IQSEC1: variants seen among roughly 807,000 people sequenced by gnomAD.
The protein encoded by IQSEC1 is IQ motif and SEC7 domain-containing protein 1.
IQSEC1 carries 31 observed loss-of-function variants against 91.0 expected under a neutral mutation model. The observed-to-expected ratio is 0.34, with a 90% CI of 0.26 to 0.46. The LOEUF is 0.46. Ranked by LOEUF, IQSEC1 falls within the 20% of genes least tolerant of loss-of-function variation. The pLI is 1.00. For missense variants in IQSEC1, 1,388 were observed against 1,575.6 expected (o/e 0.88, Z 2.02); for synonymous variants, 699 against 662.6 (o/e 1.05, Z -0.84).
At chr3:13,216,129 C>T (rs1694542506) in intron 1 of IQSEC1, among the ~76,000 whole-genome samples, 1 of 152,222 alleles carries the variant, frequency 6.6e-6, no homozygotes, top group Admixed American at 6.5e-5. Flanking sequence ...GTCCTTTGGC[C>T]ATTCTAGGAA....
intron 1 of IQSEC1, among the ~76,000 whole-genome samples, chr3:13,032,204 C>A (rs183784564): frequency 3.3e-5 from 5 of 152,324 alleles, no homozygotes; most frequent in Admixed American, 1.3e-4. Context: ...CGTTTTCTGG[C>A]ATAATCACGG....
At chr3:12,943,020 G>A (rs1215167741) in intron 1 of IQSEC1, among the ~76,000 whole-genome samples, 3 of 152,206 alleles carry the variant, frequency 2.0e-5, no homozygotes, top group South Asian at 2.1e-4. Context: ...TGTGTGTCAC[G>A]GCGAATTTGG....
intron 1 of IQSEC1, among the ~76,000 whole-genome samples, chr3:13,172,972 G>A (rs936127545): frequency 6.6e-6 from 1 of 152,186 alleles, no homozygotes; most frequent in African/African-American, 2.4e-5. Context: ...AGATCACCCT[G>A]TGAGAAACCC....
intron 1 of IQSEC1, among the ~76,000 whole-genome samples, chr3:12,961,517 G>A (rs544500902): frequency 2.0e-5 from 3 of 152,270 alleles, no homozygotes; most frequent in African/African-American, 7.2e-5. Flanking sequence ...ACTTCTTACT[G>A]TGTCTGCCAT....
chr3:13,145,808 G>GC (rs967018781), intron 2 of IQSEC1, among the ~76,000 whole-genome samples: 1 of 135,544 alleles, frequency 7.4e-6, no homozygotes, highest in Non-Finnish European at 1.6e-5. Context: ...CGGGGGCGGG[G>GC]GGGGGGGGTC....
At chr3:13,020,981 A>G (rs1703370472) in intron 1 of IQSEC1, among the ~76,000 whole-genome samples, 1 of 152,238 alleles carries the variant, frequency 6.6e-6, no homozygotes, top group Non-Finnish European at 1.5e-5. Flanking sequence ...AATGCTTATA[A>G]AGTTTATACA....
intron 2 of IQSEC1, among the ~76,000 whole-genome samples, chr3:13,130,089 T>C (rs1706585392): frequency 1.3e-5 from 2 of 151,280 alleles, no homozygotes; most frequent in Non-Finnish European, 1.5e-5. Context: ...CTCACGCCTA[T>C]AATCACAGCA....
At chr3:13,071,687 A>T (rs918998592) in intron 1 of IQSEC1, among the ~76,000 whole-genome samples, 1 of 152,240 alleles carries the variant, frequency 6.6e-6, no homozygotes, top group Non-Finnish European at 1.5e-5. Context: ...GCAAGTGAGC[A>T]TCACAGCGAA....
At chr3:12,958,934 C>T (rs1014749578) in intron 1 of IQSEC1, among the ~76,000 whole-genome samples, 9 of 152,182 alleles carry the variant, frequency 5.9e-5, no homozygotes, top group Admixed American at 3.9e-4. Flanking sequence ...GTAAAGGTGA[C>T]GGGAGCTGTC....
chr3:13,125,420 A>G (rs1304640784), intron 2 of IQSEC1, among the ~76,000 whole-genome samples: 2 of 152,184 alleles, frequency 1.3e-5, no homozygotes, highest in African/African-American at 2.4e-5. Flanking sequence ...AATCACAGTC[A>G]TCTAATGAGT....
intron 1 of IQSEC1, among the ~76,000 whole-genome samples, chr3:13,061,020 C>T (rs902040569): frequency 1.3e-5 from 2 of 152,162 alleles, no homozygotes; most frequent in Non-Finnish European, 1.5e-5. Context: ...TTACCTCCTA[C>T]GTGAGCACTC....
intron 1 of IQSEC1, among the ~76,000 whole-genome samples, chr3:13,066,703 C>A (rs1232544532): frequency 6.6e-6 from 1 of 152,214 alleles, no homozygotes; most frequent in Non-Finnish European, 1.5e-5. Flanking sequence ...CCCACTGCCC[C>A]ACCCCGTTCT....
rs76759968 is a variant in IQSEC1, at chr3:13,062,694, T to C, written c.23+10298A>G. On this transcript the variant is annotated intron_variant, in intron 1 of 13. Transcript: ENST00000613206. The stretch of plus-strand genomic sequence containing the variant: ...TGGAGAGACTTGAGGGCATTTCTCT[T>C]TTATCTGATGGTGGAGAGCAAATGG... Among the ~76,000 whole-genome samples the C allele has an allele frequency of 5.0e-3, 757 of 152,196 alleles. 8 individuals carry two copies. Among genetic ancestry groups the C allele is most frequent in the African/African-American group, 0.017 (707 of 41,506 alleles).
chr3:12,998,518 A>G (rs1418510888), intron 1 of IQSEC1, among the ~76,000 whole-genome samples: 1 of 151,364 alleles, frequency 6.6e-6, no homozygotes, highest in Admixed American at 6.6e-5. Flanking sequence ...AGGTGTGGCA[A>G]CTCTTACCTG....
intron 2 of IQSEC1, among the ~76,000 whole-genome samples, chr3:13,116,552 A>G (rs1706339015): frequency 6.6e-6 from 1 of 152,204 alleles, no homozygotes; most frequent in Non-Finnish European, 1.5e-5. Context: ...CTGCACATCC[A>G]CATGCAAAAG....
chr3:13,268,642 AAATAATAAGTG>A (rs748472249), intron 1 of IQSEC1, among the ~76,000 whole-genome samples: 12 of 152,250 alleles, frequency 7.9e-5, no homozygotes, highest in Non-Finnish European at 5.9e-5. Context: ...GGAGGAAATT[AAATAATAAGTG>A]CAAATACAAT....
intron 1 of IQSEC1, among the ~76,000 whole-genome samples, chr3:12,959,626 C>G (rs566545492): frequency 6.6e-6 from 1 of 152,138 alleles, no homozygotes; most frequent in Non-Finnish European, 1.5e-5. Context: ...AAGGGCTGTT[C>G]AAGAGACACT....
At position 13,073,070 on chromosome 3, in the gene IQSEC1, C is replaced by A; in HGVS notation, c.-56G>T. ...CTCCCTCTCCAGCGGGGAGGCTCAACGTGTTTCCAAGAGGAGCAGGCGGCT... is the reference window on the plus strand; with the variant it reads ...CTCCCTCTCCAGCGGGGAGGCTCAAAGTGTTTCCAAGAGGAGCAGGCGGCT... On this transcript the variant is annotated 5_prime_UTR_variant, in exon 1 of 14. Transcript: ENST00000613206. 1 of 1,549,106 alleles carries A rather than the reference C, an allele frequency of 6.5e-7. No individual in the cohort carries two copies. The highest frequency in any genetic ancestry group is 1.4e-5 in the African/African-American group (1 of 73,074).
intron 1 of IQSEC1, among the ~76,000 whole-genome samples, chr3:12,945,674 T>C (rs2125388829): frequency 6.6e-6 from 1 of 152,294 alleles, no homozygotes; most frequent in South Asian, 2.1e-4. Flanking sequence ...ATTTTCCACA[T>C]AGCTATGAAC....
Sources: gnomAD v4.1 joint callset for allele counts (sites outside exome capture counted in the v4.1 genomes callset) on GRCh38, gnomAD v4.1.1 for gene constraint, MANE v1.5 for transcripts, NCBI Gene and HGNC (gene_info 2026-07-23, HGNC 2026-07-21) for gene names.